Variants in VRK1 observed in about 807,000 individuals in gnomAD.
The protein encoded by VRK1 is serine/threonine-protein kinase VRK1.
In VRK1, 33 loss-of-function variants were observed where a neutral mutation model predicts 57.1. The ratio of observed to expected loss-of-function variants is 0.58; its 90% CI spans 0.44 to 0.77. The LOEUF (loss-of-function observed/expected upper bound fraction) is 0.77. VRK1 is among the 30% of genes least tolerant of loss of function. The pLI is 0.00. For synonymous variants in VRK1, 137 were observed against 147.8 expected (o/e 0.93, Z 0.53); for missense variants, 413 against 477.3 (o/e 0.87, Z 1.25).
chr14:96,852,940 G>T lies in VRK1; in HGVS notation c.483+1G>T. 6.2e-7 allele frequency: 1 copy of T among 1,613,150 alleles called. No homozygotes were observed. ...TGTCTTGCAGCTAAGCTTAAGAATT[G>T]TATGTGAGCTATGTTCTTCTTGTTT... On this transcript the variant is annotated splice_donor_variant, in intron 6 of 12. Transcript: ENST00000216639. LOFTEE classifies it high-confidence loss of function.
At chr14:96,832,928 G>A (rs1184229845) in intron 1 of VRK1, among the ~76,000 whole-genome samples, 3 of 152,090 alleles carry the variant, frequency 2.0e-5, no homozygotes, top group African/African-American at 4.8e-5. Context: ...TAGTTTCCTC[G>A]AAATGGAGGT....
intron 12 of VRK1, among the ~76,000 whole-genome samples, chr14:96,878,945 T>A (rs1011697346): frequency 1.3e-5 from 2 of 152,160 alleles, no homozygotes; most frequent in Admixed American, 6.5e-5. Flanking sequence ...CCCCTCCTGT[T>A]CATAAAATGG....
chr14:96,823,927 A>G (rs547863936), intron 1 of VRK1, among the ~76,000 whole-genome samples: 5 of 152,310 alleles, frequency 3.3e-5, no homozygotes, highest in African/African-American at 9.6e-5. Flanking sequence ...TTCATCTGTT[A>G]ATGGACACTC....
Position 96,855,195 on chromosome 14 carries a change from A to G in VRK1, c.577-29A>G, listed in dbSNP as rs757161199. The G allele has an allele frequency of 1.2e-6, 2 of 1,613,744 alleles. 1 individual carries two copies. The highest frequency in any genetic ancestry group is 2.2e-5 in the South Asian group (2 of 91,070). On this transcript the variant is annotated intron_variant, in intron 7 of 12. Transcript: ENST00000216639. Reference sequence around the variant, plus strand: ...TTATATGTGCAGTGATTTTGACTTTAGTTTGTCTTGGTGCTTGGAAATTTA... The same window carrying G: ...TTATATGTGCAGTGATTTTGACTTTGGTTTGTCTTGGTGCTTGGAAATTTA...
chr14:96,857,261 G>A (rs1367576714), intron 10 of VRK1, among the ~76,000 whole-genome samples: 3 of 152,086 alleles, frequency 2.0e-5, no homozygotes. Context: ...ATAGAATTAG[G>A]GGGATGGGGA....
intron 1 of VRK1, among the ~76,000 whole-genome samples, chr14:96,799,572 C>T (rs1299288690): frequency 6.6e-6 from 1 of 152,038 alleles, no homozygotes; most frequent in Non-Finnish European, 1.5e-5. Flanking sequence ...TTAAGATTTA[C>T]CTTATATCAA....
chr14:96,827,188 G>C (rs1374523845), intron 1 of VRK1, among the ~76,000 whole-genome samples: 1 of 152,102 alleles, frequency 6.6e-6, no homozygotes, highest in East Asian at 1.9e-4. Context: ...AATTTTGTCA[G>C]TTTACTTTGT....
chr14:96,872,732 T>C (rs1481946214), intron 11 of VRK1, among the ~76,000 whole-genome samples: 3 of 152,238 alleles, frequency 2.0e-5, no homozygotes, highest in African/African-American at 7.2e-5. Flanking sequence ...ATATAGTAGA[T>C]TTTAACTAAA....
At chr14:96,853,235 C>A in intron 7 of VRK1, 69 bp downstream of exon 7, 1 of 1,374,950 alleles carries the variant, frequency 7.3e-7, no homozygotes, top group Non-Finnish European at 1.0e-6. Flanking sequence ...TTGCTTTGAA[C>A]TTTTGAACCT....
chr14:96,824,582 G>A (rs982595507), intron 1 of VRK1, among the ~76,000 whole-genome samples: 1 of 151,932 alleles, frequency 6.6e-6, no homozygotes, highest in Non-Finnish European at 1.5e-5. Flanking sequence ...GACGATTATT[G>A]AAATGGCAAG....
intron 1 of VRK1, among the ~76,000 whole-genome samples, chr14:96,817,644 A>G (rs1886445684): frequency 6.6e-6 from 1 of 152,186 alleles, no homozygotes; most frequent in Admixed American, 6.5e-5. Context: ...TAGCTGTTCT[A>G]TCAGATCTAT....
intron 5 of VRK1, among the ~76,000 whole-genome samples, chr14:96,849,395 T>A (rs1306787095): frequency 1.3e-5 from 2 of 152,058 alleles, no homozygotes; most frequent in Non-Finnish European, 2.9e-5. Flanking sequence ...AGAGCATTTT[T>A]AGACTTGGAA....
intron 7 of VRK1, among the ~76,000 whole-genome samples, chr14:96,853,981 G>A (rs1294002109): frequency 2.0e-5 from 3 of 151,936 alleles, no homozygotes; most frequent in Non-Finnish European, 4.4e-5. Context: ...CCTTTGCTTA[G>A]TTTTTCCTTT....
chr14:96,853,443 A>G (rs1003815008), intron 7 of VRK1, among the ~76,000 whole-genome samples: 2 of 152,128 alleles, frequency 1.3e-5, no homozygotes, highest in African/African-American at 4.8e-5. Flanking sequence ...GGAAGCTTAA[A>G]ATTATATAGT....
chr14:96,816,319 T>C (rs1297328324), intron 1 of VRK1, among the ~76,000 whole-genome samples: 1 of 152,136 alleles, frequency 6.6e-6, no homozygotes, highest in African/African-American at 2.4e-5. Context: ...CTGTGCCACC[T>C]ACAAAATACT....
intron 1 of VRK1, among the ~76,000 whole-genome samples, chr14:96,808,105 T>G (rs921061320): frequency 1.3e-5 from 2 of 151,012 alleles, no homozygotes; most frequent in Admixed American, 6.6e-5. Context: ...ATACCAATAT[T>G]AAGAGGCAGC....
chr14:96,806,989 A>G (rs1885906056), intron 1 of VRK1, among the ~76,000 whole-genome samples: 1 of 152,140 alleles, frequency 6.6e-6, no homozygotes, highest in African/African-American at 2.4e-5. Context: ...CATTCTTGTG[A>G]CATCATCACA....
intron 1 of VRK1, among the ~76,000 whole-genome samples, chr14:96,810,029 T>C (rs1318511811): frequency 6.6e-6 from 1 of 152,232 alleles, no homozygotes; most frequent in African/African-American, 2.4e-5. Flanking sequence ...CTAGTGGCTG[T>C]ATAGAAGATC....
At chr14:96,845,935 A>C (rs1887667396) in intron 3 of VRK1, among the ~76,000 whole-genome samples, 160 bp from the exon 4 acceptor site, 2 of 152,192 alleles carry the variant, frequency 1.3e-5, no homozygotes, top group Admixed American at 1.3e-4. Flanking sequence ...TTCTCTGAAC[A>C]TTTCTAAGGA....
Sources: allele counts gnomAD v4.1 joint callset (sites outside exome capture counted in the v4.1 genomes callset), GRCh38; gene constraint gnomAD v4.1.1; transcripts MANE v1.5; gene names NCBI Gene and HGNC (gene_info 2026-07-23, HGNC 2026-07-21).